TRIM39: variants seen among roughly 807,000 people sequenced by gnomAD.
The protein encoded by TRIM39 is tripartite motif containing 39, also known as E3 ubiquitin-protein ligase TRIM39.
A neutral mutation model predicts 53.6 loss-of-function variants in TRIM39; 5 were observed. The ratio of observed to expected loss-of-function variants is 0.09; its 90% confidence interval spans 0.05 to 0.20. The LOEUF is 0.20. TRIM39 is among the 10% of genes least tolerant of loss of function. The probability of loss-of-function intolerance (pLI) is 1.00; values close to 1 mark genes in which losing one functional copy is unlikely to be tolerated. For synonymous variants in TRIM39, 196 were observed against 237.6 expected (o/e 0.82, Z 1.61); for missense variants, 310 against 621.0 (o/e 0.50, Z 5.32).
chr6:30,341,052 A>G (rs1787463564), intron 7 of TRIM39, among the ~76,000 whole-genome samples: 1 of 152,110 alleles, frequency 6.6e-6, no homozygotes. Context: ...TACTAAAAAT[A>G]TAAAAATTAG....
chr6:30,336,951 A>C (rs1051912356), intron 5 of TRIM39, among the ~76,000 whole-genome samples: 2 of 152,232 alleles, frequency 1.3e-5, no homozygotes, highest in Admixed American at 6.5e-5. Context: ...TTCTTGATCC[A>C]TGGGCTGCCG....
At chr6:30,327,459 G>T (rs1197655622) in intron 1 of TRIM39, 1 of 152,790 alleles carries the variant, frequency 6.5e-6, no homozygotes, top group Non-Finnish European at 1.5e-5. Flanking sequence ...TCGCAAGGTG[G>T]GACCCTGAAC....
chr6:30,336,115 G>T, intron 5 of TRIM39, 140 bp downstream of exon 5: 1 of 1,321,716 alleles, frequency 7.6e-7, no homozygotes, highest in South Asian at 1.3e-5. Flanking sequence ...TACTCAAAGG[G>T]TCTTTGCTAC....
At position 30,342,626 on chromosome 6, in the gene TRIM39, C is replaced by T. The variant is rs1787674283; in HGVS notation, c.*367C>T. 3 of 330,662 alleles carry T rather than the reference C, an allele frequency of 9.1e-6. No individual in the cohort carries two copies. The highest frequency in any genetic ancestry group is 9.1e-5 in the Admixed American group (2 of 22,088). 20.5% of individuals were successfully genotyped at this position (330,662 alleles called of 1,614,324 possible). Reference sequence around the variant, plus strand: ...AAACCAGAGGAGGAAACAGAAACCCCTGCACATCTTTTTAGGGGGTTCTTT... The same window carrying T: ...AAACCAGAGGAGGAAACAGAAACCCTTGCACATCTTTTTAGGGGGTTCTTT... On this transcript the variant is annotated 3_prime_UTR_variant, in exon 8 of 8. Transcript: ENST00000396551. This position sits in a 1 kb window ranked among gnomAD's most constrained non-coding sequence, Gnocchi z 4.7.
At chr6:30,341,947 C>A in exon 8 of TRIM39, 1 of 1,613,030 alleles carries the variant, frequency 6.2e-7, no homozygotes, top group Non-Finnish European at 8.5e-7. Flanking sequence ...ACTCCGTGAG[C>A]CGAAAGGGCG....
chr6:30,334,629 A>T (rs762072822), intron 4 of TRIM39, among the ~76,000 whole-genome samples: 1 of 152,116 alleles, frequency 6.6e-6, no homozygotes, highest in Non-Finnish European at 1.5e-5. Flanking sequence ...TGATTCTTAC[A>T]CTTTCCCAGT....
Position 30,339,293 on chromosome 6 carries a change from C to T in TRIM39, c.781-615C>T, listed in dbSNP as rs375066893. On this transcript the variant is annotated intron_variant, in intron 5 of 7. Transcript: ENST00000396551. This position sits in a 1 kb window ranked among gnomAD's most constrained non-coding sequence, Gnocchi z 4.2. ...CCTCCTGAGTAGCTGGGGTTACAGG[C>T]GCACACCACCACACCTGGCTAATTT... 2.6e-5 allele frequency among the ~76,000 whole-genome samples: 4 copies of T among 151,916 alleles called. No homozygotes were observed. Among genetic ancestry groups the T allele is most frequent in the African/African-American group, 9.7e-5 (4 of 41,340 alleles).
At chr6:30,331,297 A>AAAAAG (rs1562406038) in intron 4 of TRIM39, among the ~76,000 whole-genome samples, 2 of 150,104 alleles carry the variant, frequency 1.3e-5, no homozygotes, top group South Asian at 2.1e-4. Context: ...AACAAAAAAA[A>AAAAAG]AAAGAACAAT....
chr6:30,342,636 T>C lies in TRIM39; in HGVS notation c.*377T>C. ...AGGAAACAGAAACCCCTGCACATCT[T>C]TTTAGGGGGTTCTTTGACCCAGGAT... On this transcript the variant is annotated 3_prime_UTR_variant, in exon 8 of 8. Coordinates refer to ENST00000396551, the Ensembl canonical transcript of TRIM39. The surrounding 1 kb of genome is among the most constrained non-coding windows in gnomAD (Gnocchi z 4.7). 1 of 298,996 alleles carries C rather than the reference T, an allele frequency of 3.3e-6. No homozygotes were observed. The highest frequency in any genetic ancestry group is 5.8e-5 in the South Asian group (1 of 17,112). 18.5% of individuals were successfully genotyped at this position (298,996 alleles called of 1,614,324 possible).
At position 30,342,497 on chromosome 6, in the gene TRIM39, T is replaced by C. The variant is rs1787657257; in HGVS notation, c.*238T>C. ...GGTGGGGAGCTGGTTCCCAGAGGAT[T>C]GTCTACCCTGAAGTCCATCAGGTTT... is the stretch of plus-strand genomic sequence containing the variant. On this transcript the variant is annotated 3_prime_UTR_variant, in exon 8 of 8. Transcript: ENST00000396551. The surrounding 1 kb of genome is among the most constrained non-coding windows in gnomAD (Gnocchi z 4.7). The C allele has an allele frequency of 1.7e-6, 1 of 591,140 alleles. No individual in the cohort carries two copies. Among genetic ancestry groups the C allele is most frequent in the South Asian group, 2.1e-5 (1 of 46,670 alleles). 36.6% of individuals were successfully genotyped at this position (591,140 alleles called of 1,614,324 possible).
rs1341687305 is a variant in TRIM39 at position 30,328,962 on chromosome 6, A to C, written c.-87A>C. ...CTGGAACTATTGGTTCTAAGATATAAGTGGAATGAGCCTGGATCAGGAGAA... is the reference window on the plus strand; with the variant it reads ...CTGGAACTATTGGTTCTAAGATATACGTGGAATGAGCCTGGATCAGGAGAA... On this transcript the variant is annotated 5_prime_UTR_variant, in exon 2 of 8. It removes the in-frame stop codon of an upstream open reading frame in the 5' UTR. Coordinates refer to ENST00000396551, the Ensembl canonical transcript of TRIM39. 4.0e-6 allele frequency: 1 copy of C among 251,852 alleles called. No homozygotes were observed. The highest frequency in any genetic ancestry group is 7.6e-6 in the Non-Finnish European group (1 of 132,044). 15.6% of individuals were successfully genotyped at this position (251,852 alleles called of 1,614,324 possible).
rs754701116 is a variant in TRIM39, at chr6:30,338,370, A to C, written c.781-1538A>C. Among the ~76,000 whole-genome samples the C allele has an allele frequency of 6.6e-6, 1 of 151,972 alleles. No individual in the cohort carries two copies. Among genetic ancestry groups the C allele is most frequent in the African/African-American group, 2.4e-5 (1 of 41,348 alleles). ...CATGTGATTCTTCTTTCACATGAACACTTAGAGGCCATTGCAGGATTATTA... is the reference window on the plus strand; with the variant it reads ...CATGTGATTCTTCTTTCACATGAACCCTTAGAGGCCATTGCAGGATTATTA... On this transcript the variant is annotated intron_variant, in intron 5 of 7. Coordinates refer to ENST00000396551, the Ensembl canonical transcript of TRIM39. This position sits in a 1 kb window ranked among gnomAD's most constrained non-coding sequence, Gnocchi z 4.0.
At chr6:30,340,649 G>T in intron 7 of TRIM39, 29 bp downstream of exon 7, 1 of 1,600,094 alleles carries the variant, frequency 6.2e-7, no homozygotes, top group African/African-American at 1.4e-5. Context: ...GAAACTAGAA[G>T]AAACCACTAG....
At chr6:30,331,290 A>C (rs539503964) in intron 4 of TRIM39, among the ~76,000 whole-genome samples, 3,045 of 30,476 alleles carry the variant, frequency 0.1, 101 homozygotes, top group African/African-American at 0.31. Context: ...AAAAACAAAC[A>C]AAAAAAAAAA....
In TRIM39 at chr6:30,336,127, G is replaced by A. The variant is rs776397662; in HGVS notation, c.780+152G>A. 4.9e-6 allele frequency: 6 copies of A among 1,212,566 alleles called. 1 individual carries two copies. In the South Asian group the frequency reaches 7.8e-5, roughly 16 times the overall value. 75.1% of individuals were successfully genotyped at this position (1,212,566 alleles called of 1,614,324 possible). ...GTGTACTCAAAGGGTCTTTGCTACG[G>A]AAAAGTGATTTCTCCCATCCCCTTC... On this transcript the variant is annotated intron_variant, in intron 5 of 7. Coordinates refer to ENST00000396551, the Ensembl canonical transcript of TRIM39.
intron 4 of TRIM39, among the ~76,000 whole-genome samples, chr6:30,333,967 AAAC>A (rs1043543893): frequency 6.6e-6 from 1 of 152,166 alleles, no homozygotes; most frequent in African/African-American, 2.4e-5. Flanking sequence ...ACCCATACCT[AAAC>A]AAACACACAT....
intron 4 of TRIM39, among the ~76,000 whole-genome samples, chr6:30,334,645 G>C (rs142377798): frequency 6.6e-6 from 1 of 152,206 alleles, no homozygotes; most frequent in Non-Finnish European, 1.5e-5. Context: ...CCAGTTCTCT[G>C]GTTTTTATCT....
rs1283442185 is a variant in TRIM39 at position 30,339,218 on chromosome 6, G to A, written c.781-690G>A. Among the ~76,000 whole-genome samples, 2 of 151,432 alleles carry A rather than the reference G, an allele frequency of 1.3e-5. No individual in the cohort carries two copies. The highest frequency in any genetic ancestry group is 2.1e-4 in the South Asian group (1 of 4,794). On this transcript the variant is annotated intron_variant, in intron 5 of 7. Transcript: ENST00000396551. The surrounding 1 kb of genome is among the most constrained non-coding windows in gnomAD (Gnocchi z 4.2). ...AGGCTGGAGTGCAGTGCATGATCTCGGCTCACTGCAACCTTTGCCTCCTGT... is the reference window on the plus strand; with the variant it reads ...AGGCTGGAGTGCAGTGCATGATCTCAGCTCACTGCAACCTTTGCCTCCTGT...
At chr6:30,333,347 T>C (rs1184030322) in intron 4 of TRIM39, among the ~76,000 whole-genome samples, 1 of 149,728 alleles carries the variant, frequency 6.7e-6, no homozygotes, top group African/African-American at 2.5e-5. Context: ...TGTTTTTGTT[T>C]TTGTGGTTTT....
Sources: allele counts gnomAD v4.1 joint callset (sites outside exome capture counted in the v4.1 genomes callset), GRCh38; gene constraint gnomAD v4.1.1; non-coding constraint Gnocchi (gnomAD v3.1); transcripts MANE v1.5; gene names NCBI Gene and HGNC (gene_info 2026-07-23, HGNC 2026-07-21).